The following SEC24B variants were observed in gnomAD, a reference collection of about 807,000 sequenced individuals.
SEC24B encodes the protein protein transport protein Sec24B.
Under a neutral mutation model 142.8 loss-of-function variants are expected in SEC24B, and 45 were observed. The observed-to-expected ratio is 0.32, with a 90% confidence interval of 0.25 to 0.40. SEC24B has a LOEUF of 0.40. Among genes scored for constraint, SEC24B ranks in the 10% least tolerant of loss-of-function variants. The pLI is 1.00. For missense variants in SEC24B, 1,409 were observed against 1,526.8 expected (o/e 0.92, Z 1.29); for synonymous variants, 574 against 568.2 (o/e 1.01, Z -0.15).
In SEC24B at chr4:109,482,979, T is replaced by TACACACACACAC. The variant is rs1554001099; in HGVS notation, c.1165+1212_1165+1223dup. On this transcript the variant is annotated intron_variant, in intron 4 of 23. Transcript: ENST00000265175. ...ATATATATATATATATATATATATA[T>TACACACACACAC]ACACACACACACACACACACACACA... Among the ~76,000 whole-genome samples, 158 of 26,334 alleles carry TACACACACACAC rather than the reference T, an allele frequency of 6.0e-3. 1 individual carries two copies. The highest frequency in any genetic ancestry group is 8.2e-3 in the Non-Finnish European group (109 of 13,264). The allele number at this position is 26,334 out of a possible 152,430, so 17.3% of individuals were successfully genotyped here. A position where few individuals can be genotyped will look rare whatever the true frequency, so the allele number is the denominator to read the frequency against.
chr4:109,506,298 CT>C, intron 6 of SEC24B, 29 bp from the exon 7 acceptor site: 1 of 1,424,994 alleles, frequency 7.0e-7, no homozygotes, highest in Non-Finnish European at 9.3e-7. Context: ...TTTTATTGTT[CT>C]TTTATTTTGT....
At chr4:109,479,304 C>T (rs1048376028) in intron 3 of SEC24B, among the ~76,000 whole-genome samples, 9 of 151,996 alleles carry the variant, frequency 5.9e-5, no homozygotes, top group Admixed American at 4.6e-4. Context: ...CTTCTCCATT[C>T]GGTGGTGGTG....
At position 109,524,829 on chromosome 4, in the gene SEC24B, T is replaced by C. The variant is rs570910429; in HGVS notation, c.2520T>C (p.His840=). Residue 840 remains histidine (H), a synonymous_variant, in exon 15 of 24, where the codon CAT becomes CAC. Transcript: ENST00000265175. ...NQRSSTKVVQ[H]LGPATDFYKK... Reference sequence around the variant, plus strand: ...ATCTGTTGACTTAGGTGGTACAACATCTTGGCCCTGCAACTGATTTTTATA... The same window carrying C: ...ATCTGTTGACTTAGGTGGTACAACACCTTGGCCCTGCAACTGATTTTTATA... 1 of 1,612,270 alleles carries C rather than the reference T, an allele frequency of 6.2e-7. No individual in the cohort carries two copies. The highest frequency in any genetic ancestry group is 1.3e-5 in the African/African-American group (1 of 74,942).
chr4:109,474,845 A>G (rs1189779966), intron 3 of SEC24B, among the ~76,000 whole-genome samples: 1 of 152,116 alleles, frequency 6.6e-6, no homozygotes, highest in Non-Finnish European at 1.5e-5. Context: ...TCTTTTTTCT[A>G]TTAAAATATA....
At chr4:109,495,610 C>G (rs577053525) in intron 6 of SEC24B, among the ~76,000 whole-genome samples, 25 of 152,166 alleles carry the variant, frequency 1.6e-4, no homozygotes, top group African/African-American at 5.8e-4. Context: ...CAGATCGGTT[C>G]GATTAGTTGT....
At chr4:109,455,441 A>G (rs1250566138) in intron 1 of SEC24B, among the ~76,000 whole-genome samples, 2 of 152,038 alleles carry the variant, frequency 1.3e-5, no homozygotes, top group Non-Finnish European at 2.9e-5. Flanking sequence ...GGGTTTCACC[A>G]TGTTGGCTAG....
At chr4:109,497,224 G>GA (rs1041254840) in intron 6 of SEC24B, among the ~76,000 whole-genome samples, 4 of 152,214 alleles carry the variant, frequency 2.6e-5, no homozygotes, top group Admixed American at 2.0e-4. Context: ...ACTATCCACA[G>GA]AAAAAGTTTG....
At position 109,530,321 on chromosome 4, in the gene SEC24B, G is replaced by A. The variant is rs748430266; in HGVS notation, c.3109G>A (p.Asp1037Asn). ...VDRSVSSSLS[D>N]ARDALVNAVV... is the part of the protein sequence containing the mutation. ...TCGGTCCGTTTCATCAAGTCTGTCA[G>A]ATGCAAGAGATGCCTTAGTGAATGC... The change falls in exon 19 of 24, where the codon GAT (aspartate) becomes AAT (asparagine). Residue 1037 changes from aspartate to asparagine, a missense_variant. Physicochemically the swap from Asp to Asn is conservative, Grantham distance 23 (BLOSUM62 1). Coordinates refer to ENST00000265175, the MANE Select transcript of SEC24B (RefSeq NM_006323.5). The A allele has an allele frequency of 6.2e-7, 1 of 1,613,752 alleles. No homozygotes were observed. The highest frequency in any genetic ancestry group is 8.5e-7 in the Non-Finnish European group (1 of 1,179,828).
chr4:109,535,238 A>G (rs2126104777), intron 22 of SEC24B, among the ~76,000 whole-genome samples: 1 of 152,252 alleles, frequency 6.6e-6, no homozygotes, highest in African/African-American at 2.4e-5. Flanking sequence ...CTGTTTTCCA[A>G]CAACTTTAAC....
chr4:109,540,866 A>C lies in SEC24B; in HGVS notation c.*1191A>C, dbSNP rs1726093653. 3 of 151,126 alleles carry C rather than the reference A, an allele frequency of 2.0e-5. No homozygotes were observed. Among genetic ancestry groups the C allele is most frequent in the African/African-American group, 7.3e-5 (3 of 41,062 alleles). 9.4% of individuals were successfully genotyped at this position (151,126 alleles called of 1,614,324 possible). A position where few individuals can be genotyped will look rare whatever the true frequency, so the allele number is the denominator to read the frequency against. ...CACTGCACTCCAGCCTGGGCAACAG[A>C]GTGAGACTCCATCTTAAAAAAAAAA... On this transcript the variant is annotated 3_prime_UTR_variant, in exon 24 of 24. Coordinates refer to ENST00000265175, the MANE Select transcript of SEC24B (RefSeq NM_006323.5).
At chr4:109,473,958 G>T (rs893054830) in intron 3 of SEC24B, among the ~76,000 whole-genome samples, 9 of 152,178 alleles carry the variant, frequency 5.9e-5, no homozygotes, top group Non-Finnish European at 1.0e-4. Flanking sequence ...TGTAATGACA[G>T]CTCCTAACGT....
At position 109,530,436 on chromosome 4, in the gene SEC24B, C is replaced by T. The variant is rs1266523121; in HGVS notation, c.3224C>T (p.Pro1075Leu). The T allele has an allele frequency of 6.2e-7, 1 of 1,613,942 alleles. No homozygotes were observed. Among genetic ancestry groups the T allele is most frequent in the Non-Finnish European group, 8.5e-7 (1 of 1,179,914 alleles). ...GCGCCCAGCTCCCTCAAGTTGTTTC[C>T]TCTCTATGTTTTGGCCCTTCTCAAA... Reference protein sequence around the residue: ...LMAPSSLKLFPLYVLALLKQK... With the variant: ...LMAPSSLKLFLLYVLALLKQK... Residue 1075 changes from proline to leucine, a missense_variant, in exon 19 of 24, where the codon CCT becomes CTT. Around this residue, in one of 2 missense-constraint regions of SEC24B, gnomAD observed 700 missense variants for 853.3 expected, o/e 0.82. Coordinates refer to ENST00000265175, the MANE Select transcript of SEC24B (RefSeq NM_006323.5).
At chr4:109,435,577 T>C (rs1239314058) in intron 1 of SEC24B, among the ~76,000 whole-genome samples, 1 of 152,226 alleles carries the variant, frequency 6.6e-6, no homozygotes, top group Non-Finnish European at 1.5e-5. Flanking sequence ...TACAGCCTTA[T>C]AAATTTTGTG....
At chr4:109,508,094 C>G (rs1736911284) in intron 7 of SEC24B, among the ~76,000 whole-genome samples, 1 of 152,134 alleles carries the variant, frequency 6.6e-6, no homozygotes, top group South Asian at 2.1e-4. Context: ...CTGTACCATC[C>G]ACACACCATC....
rs78445629 is a variant in SEC24B, at chr4:109,444,580, T to G, written c.133+10578T>G. Among the ~76,000 whole-genome samples, 456 of 152,118 alleles carry G rather than the reference T, an allele frequency of 3.0e-3. 3 individuals are homozygous for G. Among genetic ancestry groups the G allele is most frequent in the African/African-American group, 9.9e-3 (411 of 41,456 alleles). Reference sequence around the variant, plus strand: ...TTTCTTAAAGCAAGAGAATCAGTTTTCCTTTGGTGAGAATCTGGTGTCTGA... The same window carrying G: ...TTTCTTAAAGCAAGAGAATCAGTTTGCCTTTGGTGAGAATCTGGTGTCTGA... On this transcript the variant is annotated intron_variant, in intron 1 of 23. Coordinates refer to ENST00000265175, the MANE Select transcript of SEC24B (RefSeq NM_006323.5).
Position 109,512,070 on chromosome 4 carries a change from T to C in SEC24B, c.1890T>C (p.Tyr630=), listed in dbSNP as rs902225572. 1.2e-6 allele frequency: 2 copies of C among 1,610,516 alleles called. No homozygotes were observed. Among genetic ancestry groups the C allele is most frequent in the South Asian group, 1.1e-5 (1 of 89,754 alleles). ...DQRRWKCNLC[Y]RVNDVPEEFM... is the part of the protein sequence containing the mutation. ...GTAGATGGAAATGCAATTTGTGCTATAGAGTAAACGATGGTGAGTTTTAGA... is the reference window on the plus strand; with the variant it reads ...GTAGATGGAAATGCAATTTGTGCTACAGAGTAAACGATGGTGAGTTTTAGA... Residue 630 remains tyrosine, a synonymous_variant, in exon 9 of 24, where the codon TAT becomes TAC. Coordinates refer to ENST00000265175, the MANE Select transcript of SEC24B (RefSeq NM_006323.5).
At chr4:109,511,836 C>A in intron 8 of SEC24B, 121 bp from the exon 9 acceptor site, 1 of 943,768 alleles carries the variant, frequency 1.1e-6, no homozygotes, top group Non-Finnish European at 1.5e-6. Context: ...TAATATGCTT[C>A]CATATAAAAC....
At chr4:109,520,049 G>T (rs752875544) in intron 11 of SEC24B, among the ~76,000 whole-genome samples, 1 of 152,094 alleles carries the variant, frequency 6.6e-6, no homozygotes, top group Non-Finnish European at 1.5e-5. Flanking sequence ...CATAAATGTG[G>T]TTTTTGTGTA....
Position 109,482,979 on chromosome 4 carries a change from T to TATAC in SEC24B, c.1165+1199_1165+1200insTACA, listed in dbSNP as rs781527364. ...ATATATATATATATATATATATATA[T>TATAC]ACACACACACACACACACACACACA... On this transcript the variant is annotated intron_variant, in intron 4 of 23. Coordinates refer to ENST00000265175, the MANE Select transcript of SEC24B (RefSeq NM_006323.5). 6.1e-3 allele frequency among the ~76,000 whole-genome samples: 159 copies of TATAC among 26,256 alleles called. 2 individuals are homozygous for TATAC. The highest frequency in any genetic ancestry group is 8.9e-3 in the Non-Finnish European group (118 of 13,200). The allele number at this position is 26,256 out of a possible 152,430, so 17.2% of individuals were successfully genotyped here. A position where few individuals can be genotyped will look rare whatever the true frequency, so the allele number is the denominator to read the frequency against.
Sources: gnomAD v4.1 joint callset for allele counts (sites outside exome capture counted in the v4.1 genomes callset) on GRCh38, gnomAD v4.1.1 for gene constraint, gnomAD v4.1.1 regional missense constraint, MANE v1.5 for transcripts, NCBI Gene and HGNC (gene_info 2026-07-23, HGNC 2026-07-21) for gene names.